Variants in SLC6A6 observed in about 807,000 individuals in gnomAD.
SLC6A6 encodes solute carrier family 6 member 6.
A neutral mutation model predicts 68.8 loss-of-function variants in SLC6A6; 16 were observed. The ratio of observed to expected loss-of-function variants is 0.23; its 90% CI spans 0.16 to 0.35. SLC6A6 has a LOEUF of 0.35. SLC6A6 is among the 10% of genes least tolerant of loss of function. The pLI is 1.00. For synonymous variants in SLC6A6, 312 were observed against 315.4 expected (o/e 0.99, Z 0.12); for missense variants, 474 against 802.8 (o/e 0.59, Z 4.95).
In SLC6A6 at chr3:14,484,928, C is replaced by T. The variant is rs1404239104; in HGVS notation, c.1784C>T (p.Ala595Val). 1.2e-6 allele frequency: 2 copies of T among 1,612,528 alleles called. No individual in the cohort carries two copies. Among genetic ancestry groups the T allele is most frequent in the Admixed American group, 1.7e-5 (1 of 60,012 alleles). The change falls in exon 15 of 15, where the codon GCC (alanine) becomes GTC (valine). Residue 595 changes from alanine to valine, a missense_variant. Ala to Val is a moderately conservative substitution (Grantham distance 64). Transcript: ENST00000622186. ...CGCTGGGCTGTGGAGCGCGAGGGAG[C>T]CACACCTTACAACTCTCGCACCGTC... ...PNRWAVEREG[A>V]TPYNSRTVMN... is the part of the protein sequence containing the mutation.
At chr3:14,436,531 C>CTTTTTTTT (rs58996264) in intron 2 of SLC6A6, among the ~76,000 whole-genome samples, 16 of 112,572 alleles carry the variant, frequency 1.4e-4, no homozygotes, top group East Asian at 1.3e-3. Flanking sequence ...CAACAACTCC[C>CTTTTTTTT]TTTTTTTTTT....
Position 14,468,254 on chromosome 3 carries a change from T to C in SLC6A6, c.1096+42T>C. The C allele has an allele frequency of 4.4e-6, 7 of 1,585,618 alleles. No individual in the cohort carries two copies. The highest frequency in any genetic ancestry group is 6.0e-6 in the Non-Finnish European group (7 of 1,162,084). ...GGCAGTGGTGGTGGGCACTGCCACCTAGTGTGTAAGCCAAGTACTGCAGGC... is the reference window on the plus strand; with the variant it reads ...GGCAGTGGTGGTGGGCACTGCCACCCAGTGTGTAAGCCAAGTACTGCAGGC... On this transcript the variant is annotated intron_variant, in intron 9 of 14. Transcript: ENST00000622186. This position sits in a 1 kb window ranked among gnomAD's most constrained non-coding sequence, Gnocchi z 4.5.
intron 13 of SLC6A6, among the ~76,000 whole-genome samples, chr3:14,480,585 C>T (rs1700984491): frequency 6.6e-6 from 1 of 152,220 alleles, no homozygotes; most frequent in Admixed American, 6.5e-5. Context: ...GCCAGACGTG[C>T]AGTTGGTGCC....
rs1326536211 is a variant in SLC6A6, at chr3:14,468,309, G to A, written c.1096+97G>A. The A allele has an allele frequency of 1.8e-6, 2 of 1,114,158 alleles. No homozygotes were observed. Among genetic ancestry groups the A allele is most frequent in the Non-Finnish European group, 2.5e-6 (2 of 809,264 alleles). 69.0% of individuals were successfully genotyped at this position (1,114,158 alleles called of 1,614,324 possible). A position where few individuals can be genotyped will look rare whatever the true frequency, so the allele number is the denominator to read the frequency against. Reference sequence around the variant, plus strand: ...AGCCAGACCCCAGGGGGCTTTGAGGGGGGACGAGCCTGGTTTCTAAAATGG... The same window carrying A: ...AGCCAGACCCCAGGGGGCTTTGAGGAGGGACGAGCCTGGTTTCTAAAATGG... On this transcript the variant is annotated intron_variant, in intron 9 of 14. Transcript: ENST00000622186. The surrounding 1 kb of genome is among the most constrained non-coding windows in gnomAD (Gnocchi z 4.5).
At chr3:14,474,782 T>TA (rs2124991013) in intron 10 of SLC6A6, among the ~76,000 whole-genome samples, 1 of 152,284 alleles carries the variant, frequency 6.6e-6, no homozygotes, top group South Asian at 2.1e-4. Flanking sequence ...TCCCCCAAAA[T>TA]AACTTCCTCC....
At chr3:14,471,185 G>T (rs116756782) in intron 9 of SLC6A6, among the ~76,000 whole-genome samples, 1 of 126,396 alleles carries the variant, frequency 7.9e-6, no homozygotes, top group Non-Finnish European at 1.6e-5. Context: ...TGCTGCCCTC[G>T]CTTCTCAGAC....
intron 9 of SLC6A6, among the ~76,000 whole-genome samples, chr3:14,471,344 T>C (rs1455449050): frequency 6.6e-6 from 1 of 152,104 alleles, no homozygotes; most frequent in Non-Finnish European, 1.5e-5. Flanking sequence ...TCCCCAGCTC[T>C]CCCTCAGGTT....
chr3:14,461,154 A>T (rs1178811217), intron 6 of SLC6A6, among the ~76,000 whole-genome samples: 1 of 152,258 alleles, frequency 6.6e-6, no homozygotes, highest in African/African-American at 2.4e-5. Flanking sequence ...CATTCAACAA[A>T]TAGTGATAAC....
chr3:14,464,157 G>A (rs939485317), intron 6 of SLC6A6, among the ~76,000 whole-genome samples: 8 of 152,208 alleles, frequency 5.3e-5, no homozygotes, highest in Admixed American at 2.6e-4. Context: ...AGCGGACAGC[G>A]GCTTCCTGGA....
intron 2 of SLC6A6, among the ~76,000 whole-genome samples, chr3:14,420,587 C>T (rs1178434729): frequency 1.3e-5 from 2 of 148,756 alleles, no homozygotes; most frequent in African/African-American, 2.5e-5. Context: ...ACCTTCCAAA[C>T]TCAAGCCTTC....
intron 14 of SLC6A6, among the ~76,000 whole-genome samples, chr3:14,482,062 C>T (rs1421123807): frequency 1.3e-5 from 2 of 152,126 alleles, no homozygotes; most frequent in Non-Finnish European, 2.9e-5. Context: ...CATTGGAAGC[C>T]GGGCTGTGGG....
chr3:14,458,921 G>A (rs190248953), intron 6 of SLC6A6, among the ~76,000 whole-genome samples: 140 of 152,316 alleles, frequency 9.2e-4, no homozygotes, highest in African/African-American at 3.2e-3. Context: ...AAGGTTTTAG[G>A]TATAACTGAT....
intron 1 of SLC6A6, among the ~76,000 whole-genome samples, chr3:14,409,790 T>C (rs1488747205): frequency 6.6e-6 from 1 of 152,094 alleles, no homozygotes; most frequent in Non-Finnish European, 1.5e-5. Flanking sequence ...GACTTTGGGG[T>C]TGTGGGATCA....
At position 14,478,823 on chromosome 3, in the gene SLC6A6, TC is replaced by T. The variant is rs1289851381; in HGVS notation, c.1450+257del. On this transcript the variant is annotated intron_variant, in intron 12 of 14. Coordinates refer to ENST00000622186, the MANE Select transcript of SLC6A6 (RefSeq NM_003043.6). ...GGACCTGGAATACTCCTTTTTTATC[TC>T]CTTGAGGCCTTGGGTTTGAGTTTGG... is the stretch of plus-strand genomic sequence containing the variant. 1.0e-5 allele frequency: 6 copies of T among 591,198 alleles called. No individual in the cohort carries two copies. In the East Asian group the frequency reaches 1.7e-4, roughly 17 times the overall value. 36.6% of individuals were successfully genotyped at this position (591,198 alleles called of 1,614,324 possible).
At chr3:14,438,946 T>C (rs1699921382) in intron 2 of SLC6A6, among the ~76,000 whole-genome samples, 1 of 151,980 alleles carries the variant, frequency 6.6e-6, no homozygotes. Context: ...CCAGGAAAAA[T>C]AGAGGCAAGG....
At chr3:14,416,777 G>A (rs550984286) in intron 2 of SLC6A6, among the ~76,000 whole-genome samples, 7 of 152,256 alleles carry the variant, frequency 4.6e-5, no homozygotes, top group Admixed American at 2.6e-4. Context: ...CAAGTCTGCC[G>A]TGGGGAGGAT....
intron 1 of SLC6A6, among the ~76,000 whole-genome samples, chr3:14,407,114 A>G (rs940047757): frequency 6.6e-6 from 1 of 151,636 alleles, no homozygotes; most frequent in Admixed American, 6.6e-5. Context: ...CAGTGGTGCC[A>G]TCACAGTTCA....
chr3:14,468,253 C>G lies in SLC6A6; in HGVS notation c.1096+41C>G. 1.9e-6 allele frequency: 3 copies of G among 1,592,466 alleles called. No homozygotes were observed. The highest frequency in any genetic ancestry group is 2.6e-6 in the Non-Finnish European group (3 of 1,168,792). On this transcript the variant is annotated intron_variant, in intron 9 of 14. Coordinates refer to ENST00000622186, the MANE Select transcript of SLC6A6 (RefSeq NM_003043.6). This position sits in a 1 kb window ranked among gnomAD's most constrained non-coding sequence, Gnocchi z 4.5. ...TGGCAGTGGTGGTGGGCACTGCCAC[C>G]TAGTGTGTAAGCCAAGTACTGCAGG... is the stretch of plus-strand genomic sequence containing the variant.
chr3:14,468,356 T>G lies in SLC6A6; in HGVS notation c.1096+144T>G. 2 of 711,582 alleles carry G rather than the reference T, an allele frequency of 2.8e-6. No homozygotes were observed. Among genetic ancestry groups the G allele is most frequent in the Non-Finnish European group, 4.4e-6 (2 of 456,524 alleles). The allele number at this position is 711,582 out of a possible 1,614,324, so 44.1% of individuals were successfully genotyped here. A position where few individuals can be genotyped will look rare whatever the true frequency, so the allele number is the denominator to read the frequency against. ...ATGGACCCCCCCCCCGCCACCAAGA[T>G]ATCCCCCAAATTTCAAAGAGTACAA... On this transcript the variant is annotated intron_variant, in intron 9 of 14. Coordinates refer to ENST00000622186, the MANE Select transcript of SLC6A6 (RefSeq NM_003043.6). This position sits in a 1 kb window ranked among gnomAD's most constrained non-coding sequence, Gnocchi z 4.5.
Sources: allele counts gnomAD v4.1 joint callset (sites outside exome capture counted in the v4.1 genomes callset), GRCh38; gene constraint gnomAD v4.1.1; non-coding constraint Gnocchi (gnomAD v3.1); transcripts MANE v1.5; gene names NCBI Gene and HGNC (gene_info 2026-07-23, HGNC 2026-07-21).